The following TLX2 variants were observed in gnomAD, a reference collection of about 807,000 sequenced individuals.
TLX2 encodes the protein T-cell leukemia homeobox protein 2.
A neutral mutation model predicts 21.7 loss-of-function variants in TLX2; 15 were observed. The observed-to-expected ratio is 0.69, with a 90% confidence interval of 0.46 to 1.07. The LOEUF is 1.07. Ranked by LOEUF, TLX2 falls within the 50% of genes least tolerant of loss-of-function variation. The pLI is 0.00. For missense variants in TLX2, 384 were observed against 409.1 expected (o/e 0.94, Z 0.53); for synonymous variants, 213 against 193.1 (o/e 1.10, Z -0.85).
rs936931246 is a variant in TLX2 at position 74,516,207 on chromosome 2, G to C, written c.*18G>C. On this transcript the variant is annotated 3_prime_UTR_variant, in exon 3 of 3. Coordinates refer to ENST00000233638, the MANE Select transcript of TLX2 (RefSeq NM_016170.5). ...TGGTGTGAGCGACGCCCGTCCGATC[G>C]GCGTGGAGCGCCGGGCCCGGAGCGG... The C allele has an allele frequency of 3.7e-6, 6 of 1,602,600 alleles. No homozygotes were observed. The highest frequency in any genetic ancestry group is 5.1e-6 in the Non-Finnish European group (6 of 1,175,906).
Position 74,515,799 on chromosome 2 carries a change from G to T in TLX2, c.567G>T (p.Ala189=). 6.2e-7 allele frequency: 1 copy of T among 1,612,886 alleles called. No homozygotes were observed. The highest frequency in any genetic ancestry group is 8.5e-7 in the Non-Finnish European group (1 of 1,179,842). Residue 189 remains alanine (A), a synonymous_variant, in exon 2 of 3, where the codon GCG becomes GCT. Coordinates refer to ENST00000233638, the MANE Select transcript of TLX2 (RefSeq NM_016170.5). This position sits in a 1 kb window ranked among gnomAD's most constrained non-coding sequence, Gnocchi z 6.6. ...ACCTGGCCTCTGCGGAGAGGGCGGC[G>T]CTGGCCAAGGCCTTGCGCATGACCG... ...QKYLASAERA[A]LAKALRMTDA...
chr2:74,514,746 C>A lies in TLX2; in HGVS notation c.-61C>A. The A allele has an allele frequency of 2.1e-5, 33 of 1,604,634 alleles. No homozygotes were observed. The highest frequency in any genetic ancestry group is 2.7e-5 in the Non-Finnish European group (32 of 1,176,372). On this transcript the variant is annotated 5_prime_UTR_variant, in exon 1 of 3. Transcript: ENST00000233638. This position sits in a 1 kb window ranked among gnomAD's most constrained non-coding sequence, Gnocchi z 5.0. ...GAGCGCGCCGCCGCTGGGCTTCTGGCGCTGCCTGAGGCATCCTCCCCAACC... is the reference window on the plus strand; with the variant it reads ...GAGCGCGCCGCCGCTGGGCTTCTGGAGCTGCCTGAGGCATCCTCCCCAACC...
In TLX2 at chr2:74,514,752, C is replaced by T; in HGVS notation, c.-55C>T. 6.2e-7 allele frequency: 1 copy of T among 1,607,572 alleles called. No homozygotes were observed. The highest frequency in any genetic ancestry group is 8.5e-7 in the Non-Finnish European group (1 of 1,177,672). Reference sequence around the variant, plus strand: ...GCCGCCGCTGGGCTTCTGGCGCTGCCTGAGGCATCCTCCCCAACCACCGAA... The same window carrying T: ...GCCGCCGCTGGGCTTCTGGCGCTGCTTGAGGCATCCTCCCCAACCACCGAA... On this transcript the variant is annotated 5_prime_UTR_variant, in exon 1 of 3. Coordinates refer to ENST00000233638, the MANE Select transcript of TLX2 (RefSeq NM_016170.5). The surrounding 1 kb of genome is among the most constrained non-coding windows in gnomAD (Gnocchi z 5.0).
In TLX2 at chr2:74,515,060, C is replaced by T. The variant is rs756869627; in HGVS notation, c.254C>T (p.Ala85Val). The change falls in exon 1 of 3, where the codon GCG becomes GTG. Residue 85 changes from alanine to valine, a missense_variant. Physicochemically the swap from Ala to Val is moderately conservative, Grantham distance 64. Transcript: ENST00000233638. The surrounding 1 kb of genome is among the most constrained non-coding windows in gnomAD (Gnocchi z 6.6). ...VGPGGVIRVP[A>V]HRPLPVPPPA... The stretch of plus-strand genomic sequence containing the variant: ...CCAGGCGGCGTGATCCGCGTCCCTG[C>T]GCACCGCCCGCTGCCTGTGCCGCCG... The T allele has an allele frequency of 2.6e-6, 4 of 1,522,548 alleles. No homozygotes were observed. Among genetic ancestry groups the T allele is most frequent in the African/African-American group, 2.9e-5 (2 of 69,510 alleles). The allele number at this position is 1,522,548 out of a possible 1,614,324, so 94.3% of individuals were successfully genotyped here. A position where few individuals can be genotyped will look rare whatever the true frequency, so the allele number is the denominator to read the frequency against.
Position 74,516,585 on chromosome 2 carries a change from CG to C in TLX2, c.*398del. On this transcript the variant is annotated 3_prime_UTR_variant, in exon 3 of 3. Transcript: ENST00000233638. ...TGAGGGGCTCTAGCGGCGTTGCGCG[CG>C]GTGCCGGCTGGGTCTGTACCAAAGG... The C allele has an allele frequency of 1.8e-6, 2 of 1,104,274 alleles. No individual in the cohort carries two copies. Among genetic ancestry groups the C allele is most frequent in the Non-Finnish European group, 2.3e-6 (2 of 880,748 alleles). The allele number at this position is 1,104,274 out of a possible 1,614,324, so 68.4% of individuals were successfully genotyped here. A position where few individuals can be genotyped will look rare whatever the true frequency, so the allele number is the denominator to read the frequency against.
rs1235596890 is a variant in TLX2, at chr2:74,514,822, C to T, written c.16C>T (p.Leu6=). MEPGM[L]GPHNLPHHEP... ...GCCCAGACCGATGGAGCCGGGGATG[C>T]TGGGTCCACACAACCTCCCACACCA... Residue 6 remains leucine, a synonymous_variant, in exon 1 of 3, where the codon CTG becomes TTG. Transcript: ENST00000233638. The surrounding 1 kb of genome is among the most constrained non-coding windows in gnomAD (Gnocchi z 5.0). 6.2e-7 allele frequency: 1 copy of T among 1,612,686 alleles called. No individual in the cohort carries two copies. The highest frequency in any genetic ancestry group is 8.5e-7 in the Non-Finnish European group (1 of 1,179,704).
In TLX2 at chr2:74,516,183, G is replaced by T. The variant is rs1305095887; in HGVS notation, c.849G>T (p.Val283=). Residue 283 remains valine, a synonymous_variant, in exon 3 of 3, where the codon GTG becomes GTT. Transcript: ENST00000233638. ...KVASVSGLAS[V]V ...CTTCAGTGTCCGGGCTCGCCTCGGT[G>T]GTGTGAGCGACGCCCGTCCGATCGG... 6.2e-7 allele frequency: 1 copy of T among 1,608,924 alleles called. No homozygotes were observed.
rs897272199 is a variant in TLX2, at chr2:74,514,471, T to G, written c.-336T>G. On this transcript the variant is annotated 5_prime_UTR_variant, in exon 1 of 3. Transcript: ENST00000233638. This position sits in a 1 kb window ranked among gnomAD's most constrained non-coding sequence, Gnocchi z 5.0. ...CGTCAGTCACTGCCCCAGCCGGAGCTGGCCAACCCTCTCCACCCGGGACTT... is the reference window on the plus strand; with the variant it reads ...CGTCAGTCACTGCCCCAGCCGGAGCGGGCCAACCCTCTCCACCCGGGACTT... 3.3e-6 allele frequency: 4 copies of G among 1,195,840 alleles called. No individual in the cohort carries two copies. Among genetic ancestry groups the G allele is most frequent in the Non-Finnish European group, 3.1e-6 (3 of 953,010 alleles). The allele number at this position is 1,195,840 out of a possible 1,614,324, so 74.1% of individuals were successfully genotyped here.
At position 74,515,602 on chromosome 2, in the gene TLX2, A is replaced by G; in HGVS notation, c.401-31A>G. On this transcript the variant is annotated intron_variant, in intron 1 of 2. Coordinates refer to ENST00000233638, the MANE Select transcript of TLX2 (RefSeq NM_016170.5). This position sits in a 1 kb window ranked among gnomAD's most constrained non-coding sequence, Gnocchi z 6.6. The stretch of plus-strand genomic sequence containing the variant: ...AGTGGCACCTCGGGCCACCCTGCAA[A>G]TCCTGCCCTGGTCTTTCTTCCTCCC... The G allele has an allele frequency of 6.3e-7, 1 of 1,588,066 alleles. No individual in the cohort carries two copies. The highest frequency in any genetic ancestry group is 8.6e-7 in the Non-Finnish European group (1 of 1,163,728).
chr2:74,514,802 G>A lies in TLX2; in HGVS notation c.-5G>A. Reference sequence around the variant, plus strand: ...ACCTCCGGCGGTTCTCCTCGGCCCAGACCGATGGAGCCGGGGATGCTGGGT... The same window carrying A: ...ACCTCCGGCGGTTCTCCTCGGCCCAAACCGATGGAGCCGGGGATGCTGGGT... On this transcript the variant is annotated 5_prime_UTR_variant, in exon 1 of 3. Coordinates refer to ENST00000233638, the MANE Select transcript of TLX2 (RefSeq NM_016170.5). The surrounding 1 kb of genome is among the most constrained non-coding windows in gnomAD (Gnocchi z 5.0). 1 of 1,612,550 alleles carries A rather than the reference G, an allele frequency of 6.2e-7. No individual in the cohort carries two copies. The highest frequency in any genetic ancestry group is 8.5e-7 in the Non-Finnish European group (1 of 1,179,638).
chr2:74,514,610 G>C lies in TLX2; in HGVS notation c.-197G>C. 1 of 1,413,214 alleles carries C rather than the reference G, an allele frequency of 7.1e-7. No individual in the cohort carries two copies. The highest frequency in any genetic ancestry group is 1.5e-5 in the South Asian group (1 of 65,310). The allele number at this position is 1,413,214 out of a possible 1,614,324, so 87.5% of individuals were successfully genotyped here. ...GATGCAAGTCCCTGCGCTGACGCCC[G>C]GCAGCGGCTGGCACGGGCGCGGCTG... On this transcript the variant is annotated 5_prime_UTR_variant, in exon 1 of 3. Transcript: ENST00000233638. The surrounding 1 kb of genome is among the most constrained non-coding windows in gnomAD (Gnocchi z 5.0).
Position 74,515,092 on chromosome 2 carries a change from G to T in TLX2, c.286G>T (p.Gly96Trp), listed in dbSNP as rs1045167345. 64 of 1,524,162 alleles carry T rather than the reference G, an allele frequency of 4.2e-5. No homozygotes were observed. The highest frequency in any genetic ancestry group is 5.5e-5 in the Non-Finnish European group (63 of 1,138,552). The allele number at this position is 1,524,162 out of a possible 1,614,324, so 94.4% of individuals were successfully genotyped here. The change falls in exon 1 of 3, where the codon GGG becomes TGG. Residue 96 changes from glycine to tryptophan, a missense_variant. Transcript: ENST00000233638. This position sits in a 1 kb window ranked among gnomAD's most constrained non-coding sequence, Gnocchi z 6.6. ...CCCGCTGCCTGTGCCGCCGCCCGCT[G>T]GGGGGGCGCCTGCAGTGCCTGGGCC... ...HRPLPVPPPAGGAPAVPGPSG... is the reference protein window; with the variant it reads ...HRPLPVPPPAWGAPAVPGPSG...
chr2:74,514,782 C>T lies in TLX2; in HGVS notation c.-25C>T. 6.2e-7 allele frequency: 1 copy of T among 1,611,742 alleles called. No homozygotes were observed. The stretch of plus-strand genomic sequence containing the variant: ...GCATCCTCCCCAACCACCGAACCTC[C>T]GGCGGTTCTCCTCGGCCCAGACCGA... On this transcript the variant is annotated 5_prime_UTR_variant, in exon 1 of 3. Transcript: ENST00000233638. This position sits in a 1 kb window ranked among gnomAD's most constrained non-coding sequence, Gnocchi z 5.0.
At position 74,516,690 on chromosome 2, in the gene TLX2, G is replaced by C. The variant is rs1032273084; in HGVS notation, c.*501G>C. 2 of 258,196 alleles carry C rather than the reference G, an allele frequency of 7.7e-6. No homozygotes were observed. Among genetic ancestry groups the C allele is most frequent in the Admixed American group, 6.2e-5 (1 of 16,216 alleles). 16.0% of individuals were successfully genotyped at this position (258,196 alleles called of 1,614,324 possible). ...CGCGAGAGGCTGGCTGATTGTGACC[G>C]AAACCAGAGGGTTGTCCACCCCGGG... On this transcript the variant is annotated 3_prime_UTR_variant, in exon 3 of 3. Transcript: ENST00000233638.
In TLX2 at chr2:74,515,213, T is replaced by C. The variant is rs1252203840; in HGVS notation, c.400+7T>C. 6.5e-7 allele frequency: 1 copy of C among 1,538,782 alleles called. No homozygotes were observed. Among genetic ancestry groups the C allele is most frequent in the Admixed American group, 2.0e-5 (1 of 51,130 alleles). On this transcript the variant is annotated splice_region_variant and intron_variant, in intron 1 of 2. Coordinates refer to ENST00000233638, the MANE Select transcript of TLX2 (RefSeq NM_016170.5). This position sits in a 1 kb window ranked among gnomAD's most constrained non-coding sequence, Gnocchi z 6.6. ...GCCAAGGACCGGCTCACGGGTGAGG[T>C]TGTCTGACCCCTCCAGCGTCACGCC...
rs1043566841 is a variant in TLX2, at chr2:74,514,721, G to T, written c.-86G>T. The T allele has an allele frequency of 2.6e-5, 41 of 1,581,530 alleles. No individual in the cohort carries two copies. In the Middle Eastern group the frequency reaches 5.0e-4, roughly 19 times the overall value. On this transcript the variant is annotated 5_prime_UTR_variant, in exon 1 of 3. Transcript: ENST00000233638. The surrounding 1 kb of genome is among the most constrained non-coding windows in gnomAD (Gnocchi z 5.0). ...CGCGGGCCCCTGAGGCCACTCTCCGGAGCGCGCCGCCGCTGGGCTTCTGGC... is the reference window on the plus strand; with the variant it reads ...CGCGGGCCCCTGAGGCCACTCTCCGTAGCGCGCCGCCGCTGGGCTTCTGGC...
In TLX2 at chr2:74,515,058, T is replaced by A. The variant is rs1485906801; in HGVS notation, c.252T>A (p.Pro84=). 1.3e-6 allele frequency: 2 copies of A among 1,522,876 alleles called. No individual in the cohort carries two copies. Among genetic ancestry groups the A allele is most frequent in the Non-Finnish European group, 1.8e-6 (2 of 1,136,862 alleles). The allele number at this position is 1,522,876 out of a possible 1,614,324, so 94.3% of individuals were successfully genotyped here. ...GCCCAGGCGGCGTGATCCGCGTCCC[T>A]GCGCACCGCCCGCTGCCTGTGCCGC... ...GVGPGGVIRV[P]AHRPLPVPPP... Residue 84 remains proline, a synonymous_variant, in exon 1 of 3, where the codon CCT becomes CCA. Transcript: ENST00000233638. This position sits in a 1 kb window ranked among gnomAD's most constrained non-coding sequence, Gnocchi z 6.6.
rs1331221818 is a variant in TLX2, at chr2:74,514,906, G to T, written c.100G>T (p.Gly34Cys). The T allele has an allele frequency of 4.3e-6, 7 of 1,611,060 alleles. No individual in the cohort carries two copies. The highest frequency in any genetic ancestry group is 1.7e-5 in the Admixed American group (1 of 59,834). ...ILSGPETPGG[G>C]LGLGRGGQGH... Reference sequence around the variant, plus strand: ...GAGCGGCCCCGAAACCCCAGGGGGCGGTCTAGGCCTGGGTCGCGGGGGCCA... The same window carrying T: ...GAGCGGCCCCGAAACCCCAGGGGGCTGTCTAGGCCTGGGTCGCGGGGGCCA... Residue 34 changes from glycine to cysteine, a missense_variant, in exon 1 of 3, where the codon GGT becomes TGT. Transcript: ENST00000233638. This position sits in a 1 kb window ranked among gnomAD's most constrained non-coding sequence, Gnocchi z 5.0.
chr2:74,515,493 G>T lies in TLX2; in HGVS notation c.401-140G>T. ...CATCCCAGGGGAAGGGCCTTTCTTGGCTATAGGGCTCGGCTGATGCTTAGG... is the reference window on the plus strand; with the variant it reads ...CATCCCAGGGGAAGGGCCTTTCTTGTCTATAGGGCTCGGCTGATGCTTAGG... On this transcript the variant is annotated intron_variant, in intron 1 of 2. Coordinates refer to ENST00000233638, the MANE Select transcript of TLX2 (RefSeq NM_016170.5). This position sits in a 1 kb window ranked among gnomAD's most constrained non-coding sequence, Gnocchi z 6.6. 9.5e-7 allele frequency: 1 copy of T among 1,051,838 alleles called. No homozygotes were observed. The allele number at this position is 1,051,838 out of a possible 1,614,324, so 65.2% of individuals were successfully genotyped here. A position where few individuals can be genotyped will look rare whatever the true frequency, so the allele number is the denominator to read the frequency against.
Sources: allele counts gnomAD v4.1 joint callset, GRCh38; gene constraint gnomAD v4.1.1; non-coding constraint Gnocchi (gnomAD v3.1); transcripts MANE v1.5; gene names NCBI Gene and HGNC (gene_info 2026-07-23, HGNC 2026-07-21).